EVI5: variants seen among roughly 807,000 people sequenced by gnomAD.
The protein encoded by EVI5 is ecotropic viral integration site 5 protein homolog.
EVI5 carries 73 observed loss-of-function variants against 112.0 expected under a neutral mutation model. That is an observed-to-expected ratio of 0.65 (90% CI 0.54 to 0.79). The LOEUF is 0.79. Ranked by LOEUF, EVI5 falls within the 30% of genes least tolerant of loss-of-function variation. The pLI is 0.00. For missense variants in EVI5, 900 were observed against 968.8 expected, an observed-to-expected ratio of 0.93 and a Z score of 0.94; for synonymous variants, 305 against 319.9, an observed-to-expected ratio of 0.95 and a Z score of 0.50.
intron 9 of EVI5, among the ~76,000 whole-genome samples, chr1:92,678,515 C>T (rs1667103763): frequency 6.6e-6 from 1 of 151,916 alleles, no homozygotes; most frequent in Non-Finnish European, 1.5e-5. Flanking sequence ...TGGGACCCTT[C>T]CCTGCAACGC....
chr1:92,550,271 C>T (rs1231699253), intron 19 of EVI5, among the ~76,000 whole-genome samples: 5 of 143,784 alleles, frequency 3.5e-5, no homozygotes, highest in African/African-American at 1.3e-4. Flanking sequence ...ACCGTATGTT[C>T]TCACTCATAG....
chr1:92,776,297 A>T (rs1684126592), intron 1 of EVI5, among the ~76,000 whole-genome samples: 1 of 152,162 alleles, frequency 6.6e-6, no homozygotes, highest in Admixed American at 6.5e-5. Context: ...AACATTGATA[A>T]CATTTCTATT....
rs546996128 is a variant in EVI5 at position 92,615,130 on chromosome 1, G to A, written c.1828-7403C>T. ...GCATGAACTGTTTGTAGAGAGTTACGCAAAATAAATGCATTTGACACTCCT... is the reference window on the plus strand; with the variant it reads ...GCATGAACTGTTTGTAGAGAGTTACACAAAATAAATGCATTTGACACTCCT... On this transcript the variant is annotated intron_variant, in intron 16 of 19. Transcript: ENST00000684568. Among the ~76,000 whole-genome samples, 89 of 152,076 alleles carry A rather than the reference G, an allele frequency of 5.9e-4. 1 individual carries two copies. In the South Asian group the frequency reaches 0.017, roughly 29 times the overall value.
At chr1:92,626,051 A>T in intron 14 of EVI5, 117 bp from the exon 15 acceptor site, 1 of 610,462 alleles carries the variant, frequency 1.6e-6, no homozygotes, top group South Asian at 2.7e-5. Flanking sequence ...GCTATACTGA[A>T]ATATAATTCA....
intron 19 of EVI5, among the ~76,000 whole-genome samples, chr1:92,533,079 A>G (rs1557727878): frequency 6.6e-6 from 1 of 151,980 alleles, no homozygotes; most frequent in Non-Finnish European, 1.5e-5. Context: ...AGAATCAAAT[A>G]GGTGCAATAA....
At position 92,612,711 on chromosome 1, in the gene EVI5, AAAAAAAAAAAAAAGG is replaced by A. The variant is rs1199476415; in HGVS notation, c.1828-4999_1828-4985del. ...GGTGACAGAATAAGACTCCATCTCA[AAAAAAAAAAAAAAGG>A]AAAAAAAAAAAAAAAGCCAGCCAAA... On this transcript the variant is annotated intron_variant, in intron 16 of 19. Transcript: ENST00000684568. Among the ~76,000 whole-genome samples the A allele has an allele frequency of 4.7e-4, 56 of 120,304 alleles. No individual in the cohort carries two copies. In the East Asian group the frequency reaches 0.016, roughly 34 times the overall value. 78.9% of individuals were successfully genotyped at this position (120,304 alleles called of 152,430 possible).
chr1:92,636,238 T>G lies in EVI5; in HGVS notation c.1491A>C (p.Leu497Phe). 1.2e-6 allele frequency: 2 copies of G among 1,613,686 alleles called. No individual in the cohort carries two copies. The highest frequency in any genetic ancestry group is 1.7e-6 in the Non-Finnish European group (2 of 1,179,666). Reference protein sequence around the residue: ...RLSEAESQCALKEMQDKVLDI... With the variant: ...RLSEAESQCAFKEMQDKVLDI... ...CCAAGACTTTATCCTGCATCTCTTT[T>G]AATGCACACTGAGACTCAGCTTCAC... Residue 497 changes from leucine (L) to phenylalanine (F), a missense_variant, in exon 14 of 20, where the codon TTA becomes TTC. By Grantham distance (22) the Leu-to-Phe change is conservative (BLOSUM62 0). Coordinates refer to ENST00000684568, the MANE Select transcript of EVI5 (RefSeq NM_001350197.2).
chr1:92,555,319 C>G (rs955515593), intron 19 of EVI5, among the ~76,000 whole-genome samples: 1 of 152,220 alleles, frequency 6.6e-6, no homozygotes, highest in Non-Finnish European at 1.5e-5. Context: ...TAACTCCATA[C>G]ACTGAAGTTC....
At chr1:92,744,364 T>A (rs2102874361) in intron 1 of EVI5, among the ~76,000 whole-genome samples, 1 of 152,278 alleles carries the variant, frequency 6.6e-6, no homozygotes, top group Non-Finnish European at 1.5e-5. Context: ...CTAACTGATT[T>A]TCTGTCTGCT....
chr1:92,756,956 T>C, intron 1 of EVI5: 1 of 306,866 alleles, frequency 3.3e-6, no homozygotes, highest in South Asian at 3.1e-5. Flanking sequence ...CTTTGAAAGG[T>C]GATTATGTGT....
At chr1:92,782,808 C>T (rs1685034673) in intron 1 of EVI5, among the ~76,000 whole-genome samples, 1 of 152,014 alleles carries the variant, frequency 6.6e-6, no homozygotes, top group South Asian at 2.1e-4. Flanking sequence ...AAATTCATTA[C>T]CTGCGATGTT....
At chr1:92,575,112 T>A (rs1474481876) in intron 18 of EVI5, among the ~76,000 whole-genome samples, 1 of 152,134 alleles carries the variant, frequency 6.6e-6, no homozygotes, top group African/African-American at 2.4e-5. Context: ...ACTTACAAAA[T>A]TTTCCCCTAG....
rs765849338 is a variant in EVI5 at position 92,636,246 on chromosome 1, A to G, written c.1483T>C (p.Cys495Arg). 1.1e-5 allele frequency: 17 copies of G among 1,613,692 alleles called. No homozygotes were observed. Among genetic ancestry groups the G allele is most frequent in the Admixed American group, 1.7e-5 (1 of 59,990 alleles). ...QARLSEAESQ[C>R]ALKEMQDKVL... is the part of the protein sequence containing the mutation. Reference sequence around the variant, plus strand: ...TTATCCTGCATCTCTTTTAATGCACACTGAGACTCAGCTTCACTCAGTCGG... The same window carrying G: ...TTATCCTGCATCTCTTTTAATGCACGCTGAGACTCAGCTTCACTCAGTCGG... The change falls in exon 14 of 20, where the codon TGT becomes CGT. Residue 495 changes from cysteine (C) to arginine (R), a missense_variant. Physicochemically the swap from Cys to Arg is radical, Grantham distance 180. Coordinates refer to ENST00000684568, the MANE Select transcript of EVI5 (RefSeq NM_001350197.2).
chr1:92,687,858 T>C (rs565609823), intron 9 of EVI5, among the ~76,000 whole-genome samples: 2 of 152,228 alleles, frequency 1.3e-5, no homozygotes, highest in East Asian at 3.9e-4. Context: ...GCCAGTTAGA[T>C]GGTGATCATT....
intron 19 of EVI5, among the ~76,000 whole-genome samples, chr1:92,546,185 C>T (rs891364818): frequency 2.0e-5 from 3 of 152,060 alleles, no homozygotes; most frequent in Non-Finnish European, 4.4e-5. Flanking sequence ...CTAAGGCATG[C>T]GTGTGAACTA....
chr1:92,680,191 C>A (rs1230415766), intron 9 of EVI5, among the ~76,000 whole-genome samples: 1 of 152,054 alleles, frequency 6.6e-6, no homozygotes, highest in Non-Finnish European at 1.5e-5. Flanking sequence ...CACCTTCAGA[C>A]TAAATTTCAA....
At chr1:92,723,686 C>G (rs916124063) in intron 2 of EVI5, among the ~76,000 whole-genome samples, 2 of 152,128 alleles carry the variant, frequency 1.3e-5, no homozygotes, top group African/African-American at 4.8e-5. Flanking sequence ...TGAAAAAGAA[C>G]AGAATAACAG....
intron 19 of EVI5, among the ~76,000 whole-genome samples, chr1:92,538,446 T>C (rs1664244301): frequency 6.6e-6 from 1 of 152,240 alleles, no homozygotes; most frequent in Non-Finnish European, 1.5e-5. Context: ...AATGAAGTAC[T>C]TCTTTTCTAT....
At chr1:92,760,503 G>A (rs1218296490) in intron 1 of EVI5, among the ~76,000 whole-genome samples, 1 of 152,096 alleles carries the variant, frequency 6.6e-6, no homozygotes, top group Non-Finnish European at 1.5e-5. Context: ...AGGCTGAGGC[G>A]GGAGGATCAC....
Sources: gnomAD v4.1 joint callset for allele counts (sites outside exome capture counted in the v4.1 genomes callset) on GRCh38, gnomAD v4.1.1 for gene constraint, MANE v1.5 for transcripts, NCBI Gene and HGNC (gene_info 2026-07-23, HGNC 2026-07-21) for gene names.